Variants in FBXL2 observed in about 807,000 individuals in gnomAD.
FBXL2 encodes F-box/LRR-repeat protein 2.
FBXL2 carries 38 observed loss-of-function variants against 69.2 expected under a neutral mutation model. The ratio of observed to expected loss-of-function variants is 0.55; its 90% confidence interval spans 0.42 to 0.72. FBXL2 has a LOEUF of 0.72. Ranked by LOEUF, FBXL2 falls within the 30% of genes least tolerant of loss-of-function variation. FBXL2 has a pLI of 0.00. For missense variants in FBXL2, 354 were observed against 520.3 expected (o/e 0.68, Z 3.11); for synonymous variants, 192 against 201.3 (o/e 0.95, Z 0.39).
intron 1 of FBXL2, among the ~76,000 whole-genome samples, chr3:33,291,902 T>A (rs1434177531): frequency 6.6e-6 from 1 of 152,210 alleles, no homozygotes; most frequent in Non-Finnish European, 1.5e-5. Context: ...GATAAAGTAG[T>A]GTGGTACAAC....
chr3:33,378,630 T>G lies in FBXL2; in HGVS notation c.895-55T>G, dbSNP rs2042801944. 2.6e-6 allele frequency: 4 copies of G among 1,545,108 alleles called. No individual in the cohort carries two copies. In the African/African-American group the frequency reaches 4.1e-5, roughly 16 times the overall value. On this transcript the variant is annotated intron_variant, in intron 12 of 14. Transcript: ENST00000484457. ...TTCTCGTGTTCAGGAGAAGCCAGGA[T>G]TAGGTATTAAGTTCTGGTGTAGAAG...
At chr3:33,277,356 C>T, upstream of FBXL2, 1 of 723,138 alleles carries the variant, frequency 1.4e-6, no homozygotes, top group Non-Finnish European at 1.9e-6. Context: ...GTCCAAAGGG[C>T]ACCGCCCCTG....
downstream of FBXL2, among the ~76,000 whole-genome samples, chr3:33,403,971 C>A (rs927707412): frequency 4.6e-5 from 7 of 152,182 alleles, no homozygotes; most frequent in East Asian, 1.9e-4. Context: ...CCAGGCTGGA[C>A]ACGGTGACTC....
chr3:33,355,798 G>C (rs567589146), intron 2 of FBXL2, among the ~76,000 whole-genome samples: 1 of 152,344 alleles, frequency 6.6e-6, no homozygotes, highest in Non-Finnish European at 1.5e-5. Context: ...GAAGGAGTCA[G>C]AACTCAGTTT....
intron 2 of FBXL2, among the ~76,000 whole-genome samples, chr3:33,319,758 TATTC>T (rs969144049): frequency 2.0e-5 from 3 of 152,214 alleles, no homozygotes; most frequent in African/African-American, 7.2e-5. Flanking sequence ...AGCATTTCTT[TATTC>T]ATTTGATATT....
chr3:33,364,665 T>A lies in FBXL2; in HGVS notation c.236T>A (p.Phe79Tyr). Residue 79 changes from phenylalanine to tyrosine, a missense_variant, in exon 5 of 15, where the codon TTC becomes TAC. Phe to Tyr is a conservative substitution (Grantham distance 22). Transcript: ENST00000484457. ...AATATCTCGAAGCGATGCGGTGGATTCCTGAGGAAGCTCAGCTTGCGAGGC... is the reference window on the plus strand; with the variant it reads ...AATATCTCGAAGCGATGCGGTGGATACCTGAGGAAGCTCAGCTTGCGAGGC... Reference protein sequence around the residue: ...VENISKRCGGFLRKLSLRGCI... With the variant: ...VENISKRCGGYLRKLSLRGCI... 6.2e-7 allele frequency: 1 copy of A among 1,614,220 alleles called. No individual in the cohort carries two copies. The highest frequency in any genetic ancestry group is 8.5e-7 in the Non-Finnish European group (1 of 1,180,034).
the FBXL2 span, among the ~76,000 whole-genome samples, chr3:33,409,985 G>A: frequency 6.6e-6 from 1 of 152,162 alleles, no homozygotes; most frequent in Admixed American, 6.5e-5. Context: ...TCACTTCATT[G>A]TTTAGAGCTT....
chr3:33,381,012 T>C (rs1262636400), intron 13 of FBXL2, among the ~76,000 whole-genome samples: 1 of 152,180 alleles, frequency 6.6e-6, no homozygotes, highest in Non-Finnish European at 1.5e-5. Context: ...GCTTTGACTA[T>C]TGACTACGTT....
At chr3:33,398,713 AG>A (rs2044105464) in intron 12 of FBXL2, among the ~76,000 whole-genome samples, 1 of 152,214 alleles carries the variant, frequency 6.6e-6, no homozygotes, top group Non-Finnish European at 1.5e-5. Context: ...TCACAGCGAA[AG>A]GGATTAAAAC....
intron 4 of FBXL2, chr3:33,364,379 G>T: frequency 1.9e-6 from 1 of 517,670 alleles, no homozygotes; most frequent in Non-Finnish European, 3.4e-6. Flanking sequence ...TTTGGTTTTT[G>T]CATTTGTGTT....
chr3:33,364,272 C>G (rs1285137738), intron 4 of FBXL2: 3 of 256,822 alleles, frequency 1.2e-5, no homozygotes, highest in Non-Finnish European at 2.3e-5. Context: ...ATTCCCACAG[C>G]TAACCTCAAA....
intron 2 of FBXL2, among the ~76,000 whole-genome samples, chr3:33,349,931 CG>C (rs1342268165): frequency 6.6e-6 from 1 of 151,988 alleles, no homozygotes; most frequent in East Asian, 1.9e-4. Context: ...GCACCAGACC[CG>C]GATGGTGGTT....
At chr3:33,280,713 CAAAAAAAAAAAAA>C (rs34093056) in intron 1 of FBXL2, among the ~76,000 whole-genome samples, 2 of 81,442 alleles carry the variant, frequency 2.5e-5, no homozygotes, top group African/African-American at 4.9e-5. Context: ...GCCCTGTATC[CAAAAAAAAAAAAA>C]AAAAAAAGAA....
intron 2 of FBXL2, among the ~76,000 whole-genome samples, chr3:33,335,355 T>G (rs2039497131): frequency 6.6e-6 from 1 of 152,148 alleles, no homozygotes. Flanking sequence ...ATGTGATAAA[T>G]ATGAAATCCC....
intron 2 of FBXL2, chr3:33,303,150 C>T (rs1353853570): frequency 6.6e-6 from 3 of 456,524 alleles, no homozygotes; most frequent in Non-Finnish European, 8.8e-6. Flanking sequence ...TATACCAGGG[C>T]ATCCTAACAG....
intron 10 of FBXL2, among the ~76,000 whole-genome samples, chr3:33,375,766 C>T (rs2042594689): frequency 6.6e-6 from 1 of 152,214 alleles, no homozygotes; most frequent in Non-Finnish European, 1.5e-5. Flanking sequence ...ACATGAGCTT[C>T]TCCTCCAGAA....
intron 2 of FBXL2, among the ~76,000 whole-genome samples, chr3:33,303,662 G>A (rs538725824): frequency 8.5e-5 from 13 of 152,172 alleles, no homozygotes; most frequent in African/African-American, 1.7e-4. Context: ...TGTATGAATC[G>A]TGAAGTATGG....
At chr3:33,313,892 A>T (rs2037439568) in intron 2 of FBXL2, among the ~76,000 whole-genome samples, 1 of 152,202 alleles carries the variant, frequency 6.6e-6, no homozygotes, top group Non-Finnish European at 1.5e-5. Context: ...CATTGATAAT[A>T]GTTTGTGCCT....
chr3:33,314,718 T>C (rs1224806337), intron 2 of FBXL2, among the ~76,000 whole-genome samples: 1 of 152,204 alleles, frequency 6.6e-6, no homozygotes, highest in Non-Finnish European at 1.5e-5. Flanking sequence ...TTTTATAATA[T>C]TAAAATATCA....
Sources: allele counts gnomAD v4.1 joint callset (sites outside exome capture counted in the v4.1 genomes callset), GRCh38; gene constraint gnomAD v4.1.1; transcripts MANE v1.5; gene names NCBI Gene and HGNC (gene_info 2026-07-23, HGNC 2026-07-21).